Variants in ZC3H11A observed in about 807,000 individuals in gnomAD.
ZC3H11A encodes the protein zinc finger CCCH domain-containing protein 11A.
In ZC3H11A, 22 loss-of-function variants were observed where a neutral mutation model predicts 90.8. That is an observed-to-expected ratio of 0.24 (90% CI 0.17 to 0.35). The LOEUF (loss-of-function observed/expected upper bound fraction) is 0.35. ZC3H11A is among the 10% of genes least tolerant of loss of function. The pLI is 1.00. For missense variants in ZC3H11A, 701 were observed against 964.9 expected (o/e 0.73, Z 3.62); for synonymous variants, 294 against 339.8 (o/e 0.87, Z 1.48).
At chr1:203,848,438 C>A in intron 14 of ZC3H11A, 31 bp downstream of exon 14, 2 of 1,548,916 alleles carry the variant, frequency 1.3e-6, no homozygotes, top group Non-Finnish European at 1.8e-6. Flanking sequence ...TGGTTTTGTT[C>A]ATGGCAAACA....
intron 4 of ZC3H11A, among the ~76,000 whole-genome samples, chr1:203,821,425 A>G (rs543666300): frequency 7.0e-4 from 107 of 152,134 alleles, no homozygotes; most frequent in African/African-American, 2.5e-3. Context: ...TGTTACTATC[A>G]TTACTTTTAT....
At chr1:203,797,047 T>C (rs1177830168) in intron 1 of ZC3H11A, 1 of 153,240 alleles carries the variant, frequency 6.5e-6, no homozygotes, top group East Asian at 1.9e-4. Context: ...TTCCTGAAAA[T>C]AGTTAATTTC....
At chr1:203,835,206 G>T (rs1683895847) in intron 10 of ZC3H11A, among the ~76,000 whole-genome samples, 1 of 152,184 alleles carries the variant, frequency 6.6e-6, no homozygotes, top group Admixed American at 6.5e-5. Flanking sequence ...GCCCATGAAT[G>T]AAATTAATAT....
chr1:203,800,491 C>T, intron 1 of ZC3H11A: 1 of 1,458,994 alleles, frequency 6.9e-7, no homozygotes, highest in Non-Finnish European at 9.0e-7. Flanking sequence ...AAATGGGCAA[C>T]TTTTTGCTGT....
At chr1:203,811,082 A>G (rs11240552) in intron 2 of ZC3H11A, among the ~76,000 whole-genome samples, 47,489 of 150,716 alleles carry the variant, frequency 0.32, 8,129 homozygotes, top group East Asian at 0.74. Flanking sequence ...TGGAGGTTGC[A>G]ATGAGCCGAG....
At chr1:203,829,414 T>C (rs1463206472) in intron 5 of ZC3H11A, 37 bp from the exon 6 acceptor site, 2 of 1,611,716 alleles carry the variant, frequency 1.2e-6, no homozygotes, top group African/African-American at 2.7e-5. Flanking sequence ...GGGTTGTATC[T>C]TCTGTTTTTA....
At chr1:203,831,501 T>G (rs1682353659) in intron 8 of ZC3H11A, among the ~76,000 whole-genome samples, 160 bp from the exon 9 acceptor site, 1 of 152,188 alleles carries the variant, frequency 6.6e-6, no homozygotes, top group Non-Finnish European at 1.5e-5. Context: ...TCACCACTAC[T>G]CCATTTGACT....
intron 2 of ZC3H11A, chr1:203,806,261 T>A: frequency 3.1e-6 from 1 of 322,966 alleles, no homozygotes; most frequent in Non-Finnish European, 6.0e-6. Flanking sequence ...AGAATCAGTT[T>A]ATCTTGAGTG....
chr1:203,800,209 C>T, intron 1 of ZC3H11A: 4 of 1,477,590 alleles, frequency 2.7e-6, no homozygotes, highest in South Asian at 1.2e-5. Flanking sequence ...AGCATATGGC[C>T]GGCTTTGACC....
chr1:203,807,082 T>A (rs1182586406), intron 2 of ZC3H11A, among the ~76,000 whole-genome samples: 1 of 151,716 alleles, frequency 6.6e-6, no homozygotes, highest in East Asian at 1.9e-4. Flanking sequence ...TGGGGTCTCA[T>A]TGTGTTGCCC....
rs750715018 is a variant in ZC3H11A at position 203,849,888 on chromosome 1, G to A, written c.1801G>A (p.Val601Met). ...GGCAGAGAAACCAGTGCTCACTGCT[G>A]TGCCAGGAATCACACGGCACCTGAC... is the stretch of plus-strand genomic sequence containing the variant. The part of the protein sequence containing the change: ...QVAEKPVLTA[V>M]PGITRHLTKR... The change falls in exon 15 of 18, where the codon GTG becomes ATG. Residue 601 changes from valine to methionine, a missense_variant. Val to Met is a conservative substitution (Grantham distance 21, BLOSUM62 1). This residue lies in a region of ZC3H11A where 530 missense variants were observed against 696.2 expected (regional missense o/e 0.76). Coordinates refer to ENST00000367210, the MANE Select transcript of ZC3H11A (RefSeq NM_001376342.1). The A allele has an allele frequency of 1.9e-6, 3 of 1,614,090 alleles. No homozygotes were observed. Among genetic ancestry groups the A allele is most frequent in the Non-Finnish European group, 2.5e-6 (3 of 1,180,022 alleles).
intron 10 of ZC3H11A, among the ~76,000 whole-genome samples, chr1:203,835,365 T>G (rs1420828266): frequency 6.6e-6 from 1 of 152,188 alleles, no homozygotes; most frequent in Non-Finnish European, 1.5e-5. Context: ...GTTAAATAAC[T>G]TGCCTAAGGT....
intron 2 of ZC3H11A, among the ~76,000 whole-genome samples, chr1:203,812,560 G>T (rs547843993): frequency 6.9e-6 from 1 of 145,274 alleles, no homozygotes; most frequent in African/African-American, 2.5e-5. Flanking sequence ...TCAGTATTTT[G>T]GATTTTAGCC....
At chr1:203,833,680 A>C in intron 9 of ZC3H11A, 111 bp from the exon 10 acceptor site, 2 of 716,986 alleles carry the variant, frequency 2.8e-6, no homozygotes, top group Non-Finnish European at 4.0e-6. Flanking sequence ...TTTTCAAGAG[A>C]CTTTCTGGGT....
chr1:203,834,786 A>G (rs1349179783), intron 10 of ZC3H11A, among the ~76,000 whole-genome samples: 5 of 152,012 alleles, frequency 3.3e-5, no homozygotes, highest in Admixed American at 6.5e-5. Flanking sequence ...AGTAGCTGGG[A>G]TTACAGGCAC....
chr1:203,831,887 G>C (rs1300645801), intron 9 of ZC3H11A, 116 bp downstream of exon 9: 3 of 768,386 alleles, frequency 3.9e-6, no homozygotes, highest in East Asian at 5.4e-5. Context: ...TTAGTATGCT[G>C]ATGAGATAAT....
chr1:203,798,649 A>G (rs1223078416), intron 1 of ZC3H11A: 3 of 1,536,046 alleles, frequency 2.0e-6, no homozygotes, highest in South Asian at 1.2e-5. Context: ...TTAGAGGTTG[A>G]AAACAGATCT....
In ZC3H11A at chr1:203,838,045, T is replaced by A; in HGVS notation, c.954T>A (p.Ile318=). ...GKKVEAPETN[I]DKTPKKAQVS... ...AAGTTGAAGCTCCAGAAACTAACATTGACAAAACACCAAAGAAAGGTACCT... is the reference window on the plus strand; with the variant it reads ...AAGTTGAAGCTCCAGAAACTAACATAGACAAAACACCAAAGAAAGGTACCT... Residue 318 remains isoleucine, a synonymous_variant, in exon 11 of 18, where the codon ATT becomes ATA. Transcript: ENST00000367210. The A allele has an allele frequency of 6.2e-7, 1 of 1,614,206 alleles. No homozygotes were observed. Among genetic ancestry groups the A allele is most frequent in the East Asian group, 2.2e-5 (1 of 44,882 alleles).
chr1:203,828,258 C>G, intron 4 of ZC3H11A, 41 bp from the exon 5 acceptor site: 4 of 1,612,096 alleles, frequency 2.5e-6, no homozygotes, highest in Non-Finnish European at 3.4e-6. Flanking sequence ...ATATACGTAT[C>G]ACTGTTTTAT....
Sources: gnomAD v4.1 joint callset for allele counts (sites outside exome capture counted in the v4.1 genomes callset) on GRCh38, gnomAD v4.1.1 for gene constraint, gnomAD v4.1.1 regional missense constraint, MANE v1.5 for transcripts, NCBI Gene and HGNC (gene_info 2026-07-23, HGNC 2026-07-21) for gene names.